CACNA2D3: variants seen among roughly 807,000 people sequenced by gnomAD.
CACNA2D3 encodes voltage-dependent calcium channel subunit alpha-2/delta-3.
CACNA2D3 carries 60 observed loss-of-function variants against 160.6 expected under a neutral mutation model. The observed-to-expected ratio is 0.37, with a 90% CI of 0.30 to 0.46. The LOEUF (loss-of-function observed/expected upper bound fraction) is 0.46, where lower values mean the gene tolerates loss of function less well. Among genes scored for constraint, CACNA2D3 ranks in the 20% least tolerant of loss-of-function variants. The probability of loss-of-function intolerance (pLI) is 1.00; values close to 1 mark genes in which losing one functional copy is unlikely to be tolerated. For synonymous variants in CACNA2D3, 558 were observed against 492.9 expected (o/e 1.13, Z -1.75); for missense variants, 1,205 against 1,365.0 (o/e 0.88, Z 1.85).
At chr3:54,774,369 C>A (rs1702380716) in intron 13 of CACNA2D3, among the ~76,000 whole-genome samples, 1 of 152,116 alleles carries the variant, frequency 6.6e-6, no homozygotes, top group Non-Finnish European at 1.5e-5. Flanking sequence ...GGGAAGCAGG[C>A]ATGTCCTATA....
chr3:55,021,649 A>G (rs28588264), intron 35 of CACNA2D3, among the ~76,000 whole-genome samples: 839 of 70,056 alleles, frequency 0.012, 3 homozygotes, highest in Admixed American at 0.021. Flanking sequence ...ATATATGTGT[A>G]TATATATATG....
intron 5 of CACNA2D3, among the ~76,000 whole-genome samples, chr3:54,554,553 C>T (rs988239163): frequency 6.6e-6 from 1 of 152,052 alleles, no homozygotes; most frequent in Non-Finnish European, 1.5e-5. Context: ...GTGAATGGGC[C>T]CTGGTGGTGT....
At chr3:54,784,671 G>A (rs1161759968) in intron 13 of CACNA2D3, among the ~76,000 whole-genome samples, 5 of 152,232 alleles carry the variant, frequency 3.3e-5, no homozygotes, top group South Asian at 4.2e-4. Flanking sequence ...TGCAATGAAA[G>A]AGGGGAAGAA....
chr3:55,039,798 T>C (rs1703918843), intron 35 of CACNA2D3, among the ~76,000 whole-genome samples: 1 of 152,236 alleles, frequency 6.6e-6, no homozygotes, highest in Non-Finnish European at 1.5e-5. Context: ...GCCAAAATCT[T>C]TTAAGTCTTT....
intron 9 of CACNA2D3, among the ~76,000 whole-genome samples, chr3:54,588,219 T>G (rs7430890): frequency 6.6e-6 from 1 of 151,964 alleles, no homozygotes; most frequent in African/African-American, 2.4e-5. Flanking sequence ...ACTCATATGA[T>G]CATATTAATT....
chr3:54,987,913 CGAGTGTTA>C (rs1380028737), intron 31 of CACNA2D3, among the ~76,000 whole-genome samples, 160 bp downstream of exon 31: 65 of 152,138 alleles, frequency 4.3e-4, no homozygotes, highest in Non-Finnish European at 1.5e-4. Flanking sequence ...GCCTCTTGCA[CGAGTGTTA>C]GAGTGTTAGA....
At chr3:54,461,788 C>G (rs1700510229) in intron 4 of CACNA2D3, among the ~76,000 whole-genome samples, 1 of 151,938 alleles carries the variant, frequency 6.6e-6, no homozygotes, top group African/African-American at 2.4e-5. Context: ...CAGTTCTGCT[C>G]TGATTTTAGT....
intron 2 of CACNA2D3, among the ~76,000 whole-genome samples, chr3:54,165,740 G>A (rs1218963169): frequency 1.3e-5 from 2 of 152,126 alleles, no homozygotes; most frequent in Admixed American, 1.3e-4. Flanking sequence ...TGAGGCTGCA[G>A]TGAGCCATGC....
At chr3:54,166,692 G>T (rs1337026137) in intron 2 of CACNA2D3, among the ~76,000 whole-genome samples, 1 of 152,170 alleles carries the variant, frequency 6.6e-6, no homozygotes, top group Admixed American at 6.5e-5. Context: ...TCATTTATAG[G>T]AGATGAATTT....
chr3:54,607,085 C>T (rs527563740), intron 9 of CACNA2D3, among the ~76,000 whole-genome samples: 2 of 152,228 alleles, frequency 1.3e-5, no homozygotes, highest in African/African-American at 2.4e-5. Flanking sequence ...GACAAAAACC[C>T]AATTTTAAGG....
At chr3:54,832,021 A>ACACACACT (rs1703891252) in intron 14 of CACNA2D3, among the ~76,000 whole-genome samples, 1 of 135,298 alleles carries the variant, frequency 7.4e-6, no homozygotes. Flanking sequence ...TCACACACAC[A>ACACACACT]CACACACACA....
At chr3:55,058,861 A>T (rs2107217609) in intron 35 of CACNA2D3, among the ~76,000 whole-genome samples, 1 of 152,302 alleles carries the variant, frequency 6.6e-6, no homozygotes, top group South Asian at 2.1e-4. Flanking sequence ...TGTGACTTTG[A>T]GCCATTGCCT....
At chr3:54,645,839 C>G (rs1699623809) in intron 11 of CACNA2D3, among the ~76,000 whole-genome samples, 1 of 152,088 alleles carries the variant, frequency 6.6e-6, no homozygotes, top group African/African-American at 2.4e-5. Flanking sequence ...TTTGGTGAGT[C>G]CAAGAGAGCA....
At chr3:54,911,545 A>G (rs1700556946) in intron 27 of CACNA2D3, among the ~76,000 whole-genome samples, 1 of 150,642 alleles carries the variant, frequency 6.6e-6, no homozygotes, top group Non-Finnish European at 1.5e-5. Flanking sequence ...CCTCCTACCT[A>G]CAACCAATCT....
rs1701191812 is a variant in CACNA2D3, at chr3:54,931,501, C to T, written c.2449+31633C>T. 2.0e-5 allele frequency among the ~76,000 whole-genome samples: 3 copies of T among 152,110 alleles called. No individual in the cohort carries two copies. The South Asian group carries it at 6.2e-4, about 32-fold the overall frequency. On this transcript the variant is annotated intron_variant, in intron 27 of 37. Transcript: ENST00000474759. ...GCAGATCCAAGAGGTGGCAAGACAG[C>T]CATGCTTGCAAAAAGAGGAACCAAG...
At chr3:55,006,569 C>T (rs1416998824) in intron 32 of CACNA2D3, among the ~76,000 whole-genome samples, 4 of 152,196 alleles carry the variant, frequency 2.6e-5, no homozygotes, top group Non-Finnish European at 4.4e-5. Context: ...AGTTCACATC[C>T]TTATCTGACC....
At chr3:54,644,714 C>G (rs751970935) in intron 11 of CACNA2D3, among the ~76,000 whole-genome samples, 1 of 152,188 alleles carries the variant, frequency 6.6e-6, no homozygotes, top group Admixed American at 6.5e-5. Context: ...TCGGGATCAC[C>G]CGAGGGCTTG....
chr3:54,494,489 G>C (rs1171928691), intron 4 of CACNA2D3, among the ~76,000 whole-genome samples: 1 of 152,186 alleles, frequency 6.6e-6, no homozygotes, highest in Non-Finnish European at 1.5e-5. Context: ...CTTTCAGAGA[G>C]CCTGTGCATG....
chr3:54,752,508 G>A (rs1701877589), intron 11 of CACNA2D3, 91 bp from the exon 12 acceptor site: 1 of 802,478 alleles, frequency 1.2e-6, no homozygotes, highest in African/African-American at 1.7e-5. Flanking sequence ...GCATTAAAGA[G>A]GTAAGCCACA....
Sources: gnomAD v4.1 joint callset for allele counts (sites outside exome capture counted in the v4.1 genomes callset) on GRCh38, gnomAD v4.1.1 for gene constraint, MANE v1.5 for transcripts, NCBI Gene and HGNC (gene_info 2026-07-23, HGNC 2026-07-21) for gene names.